Variants in ADGRL3 observed in about 807,000 individuals in gnomAD.
ADGRL3 encodes adhesion G protein-coupled receptor L3.
ADGRL3 carries 62 observed loss-of-function variants against 153.5 expected under a neutral mutation model. The ratio of observed to expected loss-of-function variants is 0.40; its 90% CI spans 0.33 to 0.50. ADGRL3 has a LOEUF of 0.50. Ranked by LOEUF, ADGRL3 falls within the 20% of genes least tolerant of loss-of-function variation. ADGRL3 has a pLI of 0.47. For missense variants in ADGRL3, 1,641 were observed against 1,859.4 expected (o/e 0.88, Z 2.16); for synonymous variants, 710 against 672.5 (o/e 1.06, Z -0.86).
At chr4:61,948,422 A>G (rs185899958) in intron 17 of ADGRL3, 146 bp downstream of exon 17, 5 of 558,232 alleles carry the variant, frequency 9.0e-6, no homozygotes, top group Non-Finnish European at 1.5e-5. Flanking sequence ...TGTTCAAACC[A>G]TATCCTTGTG....
chr4:61,957,547 A>G (rs1350469079), intron 17 of ADGRL3, among the ~76,000 whole-genome samples: 1 of 132,834 alleles, frequency 7.5e-6, no homozygotes, highest in Non-Finnish European at 1.6e-5. Context: ...GGTTACATTT[A>G]TGTATTTATT....
At chr4:61,621,564 C>G (rs2092512268) in intron 5 of ADGRL3, among the ~76,000 whole-genome samples, 1 of 151,790 alleles carries the variant, frequency 6.6e-6, no homozygotes. Context: ...TGTGTTAACA[C>G]CTTGATCCTC....
chr4:62,006,059 T>A, intron 21 of ADGRL3, among the ~76,000 whole-genome samples: 1 of 136,168 alleles, frequency 7.3e-6, no homozygotes, highest in Non-Finnish European at 1.6e-5. Flanking sequence ...AGAAAGGGTT[T>A]TGCTCTTGTT....
At chr4:61,726,273 A>C (rs552238346) in intron 6 of ADGRL3, among the ~76,000 whole-genome samples, 1 of 142,900 alleles carries the variant, frequency 7.0e-6, no homozygotes, top group Non-Finnish European at 1.5e-5. Context: ...ATCTTGGCTC[A>C]CTGCAACCTC....
chr4:61,465,650 A>G (rs556080393), intron 2 of ADGRL3, among the ~76,000 whole-genome samples: 1 of 150,538 alleles, frequency 6.6e-6, no homozygotes, highest in Admixed American at 6.6e-5. Context: ...AATGATAAGA[A>G]TTTTGTCTAA....
At chr4:61,463,206 G>A (rs2097844193) in intron 2 of ADGRL3, among the ~76,000 whole-genome samples, 1 of 152,062 alleles carries the variant, frequency 6.6e-6, no homozygotes, top group Admixed American at 6.6e-5. Flanking sequence ...AAATTTCACG[G>A]AATAGCCTTC....
intron 2 of ADGRL3, among the ~76,000 whole-genome samples, chr4:61,479,426 G>A (rs2098107635): frequency 6.6e-6 from 1 of 152,064 alleles, no homozygotes; most frequent in Non-Finnish European, 1.5e-5. Flanking sequence ...GTGAAAAATA[G>A]AGTTGGGATG....
At chr4:61,752,629 G>C (rs2096771011) in intron 8 of ADGRL3, among the ~76,000 whole-genome samples, 1 of 152,068 alleles carries the variant, frequency 6.6e-6, no homozygotes, top group African/African-American at 2.4e-5. Context: ...TTTCTCTTGA[G>C]GTTATAATAT....
At chr4:61,476,976 T>G (rs996602428) in intron 2 of ADGRL3, among the ~76,000 whole-genome samples, 6 of 151,922 alleles carry the variant, frequency 3.9e-5, no homozygotes, top group Admixed American at 6.6e-5. Context: ...AGTTAGTTAT[T>G]TTGTTCAGTT....
At chr4:61,597,770 C>G (rs138254958) in intron 5 of ADGRL3, among the ~76,000 whole-genome samples, 1 of 150,724 alleles carries the variant, frequency 6.6e-6, no homozygotes, top group East Asian at 2.0e-4. Flanking sequence ...ATATGTATTT[C>G]TCATATATGT....
intron 2 of ADGRL3, among the ~76,000 whole-genome samples, chr4:61,423,226 G>A (rs1295249449): frequency 2.0e-5 from 3 of 152,174 alleles, no homozygotes; most frequent in Non-Finnish European, 1.5e-5. Context: ...GGATGTTGAA[G>A]TTGAGAGTCG....
chr4:61,613,064 G>T (rs991562191), intron 5 of ADGRL3, among the ~76,000 whole-genome samples: 3 of 152,082 alleles, frequency 2.0e-5, no homozygotes, highest in African/African-American at 4.8e-5. Flanking sequence ...TGTTAAAGGG[G>T]TAAATTAGTT....
chr4:61,927,223 G>A (rs1045172790), intron 13 of ADGRL3, among the ~76,000 whole-genome samples: 1 of 152,144 alleles, frequency 6.6e-6, no homozygotes, highest in African/African-American at 2.4e-5. Context: ...GGTTAGCAAG[G>A]AGTTTAAGTC....
intron 1 of ADGRL3, among the ~76,000 whole-genome samples, chr4:61,297,395 T>C (rs1270825273): frequency 6.6e-6 from 1 of 152,154 alleles, no homozygotes; most frequent in Non-Finnish European, 1.5e-5. Flanking sequence ...GATTTCAGTC[T>C]TTATCAGTGG....
rs191334712 is a variant in ADGRL3, at chr4:61,511,791, C to G, written c.56-5524C>G. On this transcript the variant is annotated intron_variant, in intron 3 of 26. Coordinates refer to ENST00000683033, the MANE Select transcript of ADGRL3 (RefSeq NM_001387552.1). ...AGCTTAGCTGTTTTCTTATAAGACC[C>G]AGAATTGAAACAGATTTACCCCTCT... Among the ~76,000 whole-genome samples the G allele has an allele frequency of 2.2e-3, 329 of 152,196 alleles. 1 individual carries two copies. Among genetic ancestry groups the G allele is most frequent in the Admixed American group, 5.3e-3 (81 of 15,292 alleles).
intron 9 of ADGRL3, among the ~76,000 whole-genome samples, chr4:61,890,359 T>C (rs1343407186): frequency 2.0e-5 from 3 of 152,242 alleles, no homozygotes; most frequent in Admixed American, 1.3e-4. Flanking sequence ...GTTCATTTTC[T>C]ACCACTGTAA....
At chr4:61,345,249 C>T (rs2095877512) in intron 1 of ADGRL3, among the ~76,000 whole-genome samples, 1 of 152,060 alleles carries the variant, frequency 6.6e-6, no homozygotes, top group East Asian at 1.9e-4. Context: ...TTCCCAAGAG[C>T]ATAGCAGAAA....
chr4:61,595,486 T>G (rs2098985336), intron 5 of ADGRL3, among the ~76,000 whole-genome samples: 1 of 151,892 alleles, frequency 6.6e-6, no homozygotes, highest in Non-Finnish European at 1.5e-5. Context: ...GGGGGCCTTA[T>G]GATTCTGCCC....
At chr4:61,556,104 T>C (rs2098765132) in intron 4 of ADGRL3, among the ~76,000 whole-genome samples, 2 of 152,158 alleles carry the variant, frequency 1.3e-5, no homozygotes, top group African/African-American at 2.4e-5. Context: ...TTTGCTCTGG[T>C]TCACACGCCT....
Sources: gnomAD v4.1 joint callset for allele counts (sites outside exome capture counted in the v4.1 genomes callset) on GRCh38, gnomAD v4.1.1 for gene constraint, MANE v1.5 for transcripts, NCBI Gene and HGNC (gene_info 2026-07-23, HGNC 2026-07-21) for gene names.